NWD1: variants seen among roughly 807,000 people sequenced by gnomAD.
NWD1 encodes the protein NACHT domain- and WD repeat-containing protein 1.
Under a neutral mutation model 135.1 loss-of-function variants are expected in NWD1, and 129 were observed. The observed-to-expected ratio is 0.96, with a 90% CI of 0.83 to 1.11. NWD1 has a LOEUF of 1.11. NWD1 is among the 50% of genes least tolerant of loss of function. The pLI is 0.00. For synonymous variants in NWD1, 773 were observed against 786.0 expected (o/e 0.98, Z 0.28); for missense variants, 1,740 against 1,851.3 (o/e 0.94, Z 1.10).
intron 3 of NWD1, among the ~76,000 whole-genome samples, chr19:16,731,610 C>CTTTTTT (rs35083498): frequency 2.2e-5 from 3 of 139,518 alleles, no homozygotes; most frequent in African/African-American, 5.3e-5. Flanking sequence ...CAGCCCCATG[C>CTTTTTT]TTTTTTTTTT....
chr19:16,784,448 C>T (rs956875692), intron 12 of NWD1, among the ~76,000 whole-genome samples: 1 of 151,936 alleles, frequency 6.6e-6, no homozygotes, highest in African/African-American at 2.4e-5. Flanking sequence ...GACACTATTT[C>T]GTATAAGGCA....
intron 4 of NWD1, 94 bp downstream of exon 4, chr19:16,736,844 C>T (rs779956067): frequency 2.4e-5 from 19 of 781,692 alleles, no homozygotes; most frequent in East Asian, 1.1e-4. Flanking sequence ...AAGTAGGTAC[C>T]GTTTCTGCTT....
intron 12 of NWD1, among the ~76,000 whole-genome samples, chr19:16,780,392 G>T (rs1253862797): frequency 1.3e-5 from 2 of 152,104 alleles, no homozygotes; most frequent in Admixed American, 1.3e-4. Flanking sequence ...TCCTGACCTT[G>T]TGATCCACCC....
chr19:16,746,649 G>GC (rs1157076001), intron 5 of NWD1, among the ~76,000 whole-genome samples: 4 of 150,912 alleles, frequency 2.7e-5, no homozygotes, highest in Non-Finnish European at 5.9e-5. Flanking sequence ...CTCCAGCCTG[G>GC]CAGCAGAGCA....
chr19:16,750,112 G>A lies in NWD1; in HGVS notation c.1470G>A (p.Trp490Ter), dbSNP rs747481835. The change falls in exon 6 of 19, where the codon TGG (tryptophan) becomes TGA (stop). Residue 490 changes from tryptophan to a stop codon, truncating the protein, a stop_gained. Transcript: ENST00000524140. LOFTEE classifies it high-confidence loss of function. ...TGCTCCTGGACCCGGAGGCCTACTG[G>A]GAGGTGAAGCCCCTTTCCGGAAACC... ...QRVLLDPEAY[W>*]EVKPLSGNQG... is the part of the protein sequence containing the mutation. The A allele has an allele frequency of 1.2e-6, 2 of 1,614,042 alleles. No homozygotes were observed. Among genetic ancestry groups the A allele is most frequent in the East Asian group, 4.5e-5 (2 of 44,876 alleles).
intron 13 of NWD1, among the ~76,000 whole-genome samples, chr19:16,790,103 C>T (rs532764788): frequency 6.6e-6 from 1 of 152,204 alleles, no homozygotes; most frequent in East Asian, 1.9e-4. Flanking sequence ...AATCATAACC[C>T]TGTGATTTCA....
chr19:16,765,591 C>T (rs1210895742), intron 10 of NWD1, among the ~76,000 whole-genome samples: 1 of 152,248 alleles, frequency 6.6e-6, no homozygotes, highest in Admixed American at 6.6e-5. Flanking sequence ...GCCTCAGCCT[C>T]CCAGAGTGCT....
rs367763510 is a variant in NWD1 at position 16,784,656 on chromosome 19, C to T, written c.2732-4326C>T. On this transcript the variant is annotated intron_variant, in intron 12 of 18. Transcript: ENST00000524140. Reference sequence around the variant, plus strand: ...AAATAAAAAGGAGCAGTCGGCTGGGCGCGGTGGCTCACGCCTGTAATCCCA... The same window carrying T: ...AAATAAAAAGGAGCAGTCGGCTGGGTGCGGTGGCTCACGCCTGTAATCCCA... Among the ~76,000 whole-genome samples the T allele has an allele frequency of 1.5e-3, 230 of 152,088 alleles. 1 individual carries two copies. The highest frequency in any genetic ancestry group is 3.4e-3 in the Middle Eastern group (1 of 294).
chr19:16,754,179 A>G (rs1019166839), intron 6 of NWD1, among the ~76,000 whole-genome samples: 2 of 148,606 alleles, frequency 1.3e-5, no homozygotes, highest in Non-Finnish European at 3.0e-5. Context: ...CCATCTATCC[A>G]TCATCTCGAT....
intron 6 of NWD1, among the ~76,000 whole-genome samples, chr19:16,751,853 GAAAA>G (rs538884184): frequency 3.6e-5 from 4 of 112,612 alleles, no homozygotes; most frequent in Non-Finnish European, 1.9e-5. Context: ...TAGTAAGAAA[GAAAA>G]AAAAAGAAGG....
At chr19:16,794,622 C>A in intron 15 of NWD1, 69 bp downstream of exon 15, 1 of 1,088,708 alleles carries the variant, frequency 9.2e-7, no homozygotes, top group Non-Finnish European at 1.4e-6. Flanking sequence ...GGGGGTGGGG[C>A]TTGGGAACAG....
chr19:16,735,398 C>T (rs550045947), intron 3 of NWD1, among the ~76,000 whole-genome samples: 3 of 150,552 alleles, frequency 2.0e-5, no homozygotes, highest in African/African-American at 4.9e-5. Context: ...CCCAGCTACT[C>T]GGGAGGCTGA....
intron 15 of NWD1, among the ~76,000 whole-genome samples, chr19:16,795,712 T>TG (rs1434364997): frequency 6.6e-6 from 1 of 152,134 alleles, no homozygotes; most frequent in East Asian, 1.9e-4. Context: ...CCACCACACC[T>TG]GGCCTAATTT....
chr19:16,806,582 G>A (rs969060565), intron 17 of NWD1, among the ~76,000 whole-genome samples: 6 of 151,968 alleles, frequency 3.9e-5, no homozygotes, highest in East Asian at 1.9e-4. Flanking sequence ...GTGGTGGCCC[G>A]AGCCTGTAGT....
At chr19:16,758,859 T>C (rs1968893121) in intron 6 of NWD1, among the ~76,000 whole-genome samples, 1 of 151,922 alleles carries the variant, frequency 6.6e-6, no homozygotes, top group Non-Finnish European at 1.5e-5. Context: ...AATGCAAAAA[T>C]TAGCCAGGCG....
At chr19:16,796,299 T>C (rs1179857625) in intron 15 of NWD1, among the ~76,000 whole-genome samples, 2 of 151,976 alleles carry the variant, frequency 1.3e-5, no homozygotes, top group East Asian at 3.9e-4. Flanking sequence ...CTGTCTCTAC[T>C]AAAAATACAA....
At chr19:16,784,792 G>A (rs938334941) in intron 12 of NWD1, among the ~76,000 whole-genome samples, 2 of 152,120 alleles carry the variant, frequency 1.3e-5, no homozygotes, top group Admixed American at 1.3e-4. Flanking sequence ...AGCCAGGTGT[G>A]ATGGCACACA....
intron 4 of NWD1, among the ~76,000 whole-genome samples, chr19:16,738,777 T>TAA (rs1203580767): frequency 3.0e-4 from 20 of 66,364 alleles, no homozygotes; most frequent in Non-Finnish European, 5.9e-4. Context: ...TGATATATAA[T>TAA]ATATAATATA....
At chr19:16,778,494 C>CTTCTTCTTT (rs200410922) in intron 11 of NWD1, among the ~76,000 whole-genome samples, 6 of 107,566 alleles carry the variant, frequency 5.6e-5, no homozygotes, top group African/African-American at 2.9e-4. Context: ...TCTTCTTCTT[C>CTTCTTCTTT]TTTTTTTTTT....
Sources: gnomAD v4.1 joint callset for allele counts (sites outside exome capture counted in the v4.1 genomes callset) on GRCh38, gnomAD v4.1.1 for gene constraint, MANE v1.5 for transcripts, NCBI Gene and HGNC (gene_info 2026-07-23, HGNC 2026-07-21) for gene names.